DLG2: variants seen among roughly 807,000 people sequenced by gnomAD.
DLG2 encodes discs large MAGUK scaffold protein 2.
A neutral mutation model predicts 132.5 loss-of-function variants in DLG2; 45 were observed. That is an observed-to-expected ratio of 0.34 (90% confidence interval 0.27 to 0.44). The LOEUF is 0.44. DLG2 is among the 20% of genes least tolerant of loss of function. The pLI, the probability that DLG2 is intolerant of heterozygous loss-of-function variation, is 1.00. For missense variants in DLG2, 1,045 were observed against 1,196.9 expected, an observed-to-expected ratio of 0.87 and a Z score of 1.87; for synonymous variants, 424 against 419.6, an observed-to-expected ratio of 1.01 and a Z score of -0.13.
At chr11:84,097,833 C>T (rs1407939216) in intron 10 of DLG2, among the ~76,000 whole-genome samples, 2 of 152,104 alleles carry the variant, frequency 1.3e-5, no homozygotes, top group Non-Finnish European at 2.9e-5. Flanking sequence ...TGAAAAATCT[C>T]TCCTAATTTT....
chr11:83,838,432 T>C (rs2056784912), intron 16 of DLG2, among the ~76,000 whole-genome samples: 1 of 152,186 alleles, frequency 6.6e-6, no homozygotes, highest in African/African-American at 2.4e-5. Context: ...TTGTCTAAGC[T>C]TTTAACTGAG....
At chr11:83,518,881 C>T (rs1042729550) in intron 21 of DLG2, among the ~76,000 whole-genome samples, 2 of 152,064 alleles carry the variant, frequency 1.3e-5, no homozygotes, top group Admixed American at 6.6e-5. Flanking sequence ...TTTCTCAGCT[C>T]GTAGATTTAA....
At chr11:84,443,102 T>G (rs534561342) in intron 7 of DLG2, among the ~76,000 whole-genome samples, 34 of 152,196 alleles carry the variant, frequency 2.2e-4, no homozygotes, top group African/African-American at 7.5e-4. Context: ...GAACAAAGCC[T>G]ATATCTTTTT....
rs541323138 is a variant in DLG2 at position 83,778,885 on chromosome 11, G to A, written c.1825+7805C>T. On this transcript the variant is annotated intron_variant, in intron 18 of 27. Coordinates refer to ENST00000376104, the MANE Select transcript of DLG2 (RefSeq NM_001142699.3). ...GATGGAGGTTGGGGAGGAAACAAAG[G>A]CAACTAGGAGAAGGTTATTAAAAGG... is the stretch of plus-strand genomic sequence containing the variant. Among the ~76,000 whole-genome samples, 127 of 152,150 alleles carry A rather than the reference G, an allele frequency of 8.3e-4. 1 individual carries two copies. The Middle Eastern group carries it at 0.01, about 12-fold the overall frequency.
intron 3 of DLG2, among the ~76,000 whole-genome samples, chr11:85,353,859 G>A (rs1338480513): frequency 6.6e-6 from 1 of 151,754 alleles, no homozygotes; most frequent in African/African-American, 2.4e-5. Flanking sequence ...GAAGGGGGAG[G>A]GATAGCATTA....
intron 7 of DLG2, among the ~76,000 whole-genome samples, chr11:84,311,670 G>A (rs570443429): frequency 1.1e-4 from 17 of 152,322 alleles, no homozygotes; most frequent in South Asian, 4.1e-4. Flanking sequence ...AACTGATGAT[G>A]AAGCATAACA....
chr11:83,955,845 A>G (rs1030262238), intron 14 of DLG2, among the ~76,000 whole-genome samples: 1 of 152,068 alleles, frequency 6.6e-6, no homozygotes. Flanking sequence ...ATAGACTCCA[A>G]GTTCTTCAGC....
intron 6 of DLG2, among the ~76,000 whole-genome samples, chr11:84,540,519 G>A (rs1191088442): frequency 3.3e-5 from 5 of 152,024 alleles, no homozygotes; most frequent in Admixed American, 6.6e-5. Context: ...TTAGAATGGC[G>A]ATCATTAAAA....
In DLG2 at chr11:84,185,548, T is replaced by C. The variant is rs577798556; in HGVS notation, c.574-22037A>G. ...ACGATTTGACTTCCTCTTTTCCTAATTGAATACCCTTTATTTCCTTCTCCT... is the reference window on the plus strand; with the variant it reads ...ACGATTTGACTTCCTCTTTTCCTAACTGAATACCCTTTATTTCCTTCTCCT... On this transcript the variant is annotated intron_variant, in intron 8 of 27. Transcript: ENST00000376104. Among the ~76,000 whole-genome samples the C allele has an allele frequency of 6.5e-4, 99 of 152,274 alleles. 3 individuals carry two copies. The highest frequency in any genetic ancestry group is 2.3e-3 in the African/African-American group (96 of 41,556).
intron 4 of DLG2, among the ~76,000 whole-genome samples, chr11:85,176,094 A>G (rs1364104027): frequency 6.6e-6 from 1 of 152,212 alleles, no homozygotes; most frequent in African/African-American, 2.4e-5. Flanking sequence ...GACATTCTTC[A>G]CAGAATTAGA....
intron 6 of DLG2, among the ~76,000 whole-genome samples, chr11:85,020,493 T>C (rs1247893037): frequency 1.3e-5 from 2 of 152,216 alleles, no homozygotes; most frequent in Admixed American, 1.3e-4. Context: ...TTTTGGCTTT[T>C]GTTCCCATTG....
At chr11:84,483,713 T>C (rs2099143907) in intron 7 of DLG2, among the ~76,000 whole-genome samples, 1 of 152,128 alleles carries the variant, frequency 6.6e-6, no homozygotes, top group South Asian at 2.1e-4. Flanking sequence ...ACTTTTGAAT[T>C]GCAAAATGAA....
intron 6 of DLG2, among the ~76,000 whole-genome samples, chr11:85,099,073 G>A (rs910000873): frequency 3.5e-4 from 53 of 152,308 alleles, no homozygotes; most frequent in African/African-American, 1.3e-3. Context: ...AGCAACTAAT[G>A]TTCCATTCTT....
intron 10 of DLG2, among the ~76,000 whole-genome samples, chr11:84,081,547 T>C (rs975129003): frequency 1.3e-5 from 2 of 152,200 alleles, no homozygotes; most frequent in Non-Finnish European, 2.9e-5. Context: ...CATTGTTAAA[T>C]TCCCTCCTAT....
intron 7 of DLG2, among the ~76,000 whole-genome samples, chr11:84,352,389 G>A (rs1342566495): frequency 6.6e-6 from 1 of 152,170 alleles, no homozygotes; most frequent in East Asian, 1.9e-4. Context: ...ACACTATTAA[G>A]TGACTCTATG....
chr11:85,535,771 A>G (rs2075538602), intron 3 of DLG2, among the ~76,000 whole-genome samples: 1 of 152,242 alleles, frequency 6.6e-6, no homozygotes, highest in Non-Finnish European at 1.5e-5. Flanking sequence ...TAAATAAAAT[A>G]TGATATATTC....
intron 8 of DLG2, among the ~76,000 whole-genome samples, chr11:84,176,260 T>C (rs1011351475): frequency 1.1e-4 from 17 of 151,064 alleles, no homozygotes; most frequent in Non-Finnish European, 2.4e-4. Flanking sequence ...GGAAAAAACC[T>C]TTTAAATAAT....
intron 21 of DLG2, among the ~76,000 whole-genome samples, chr11:83,518,168 C>A (rs2095359954): frequency 6.6e-6 from 1 of 152,236 alleles, no homozygotes; most frequent in Non-Finnish European, 1.5e-5. Context: ...GTGGGCTCCA[C>A]CCAGTTTGAG....
Position 84,800,533 on chromosome 11 carries a change from A to G in DLG2, c.358-265802T>C, listed in dbSNP as rs529494025. The G allele has an allele frequency of 9.3e-4, 141 of 152,326 alleles. 1 individual carries two copies. The highest frequency in any genetic ancestry group is 3.2e-3 in the African/African-American group (135 of 41,570). The allele number at this position is 152,326 out of a possible 1,614,324, so 9.4% of individuals were successfully genotyped here. ...GAAATCATGCCCTTGTTTTGCAGAT[A>G]AGGATGCTGAAGCTAAAAACAATGT... On this transcript the variant is annotated intron_variant, in intron 6 of 27. Transcript: ENST00000376104.
Sources: allele counts gnomAD v4.1 joint callset (sites outside exome capture counted in the v4.1 genomes callset), GRCh38; gene constraint gnomAD v4.1.1; transcripts MANE v1.5; gene names NCBI Gene and HGNC (gene_info 2026-07-23, HGNC 2026-07-21).